The following TMCO4 variants were observed in gnomAD, a reference collection of about 807,000 sequenced individuals.
TMCO4 encodes the protein transmembrane and coiled-coil domains 4.
A neutral mutation model predicts 64.7 loss-of-function variants in TMCO4; 58 were observed. The ratio of observed to expected loss-of-function variants is 0.90; its 90% confidence interval spans 0.73 to 1.12. The LOEUF is 1.12. Ranked by LOEUF, TMCO4 falls within the 50% of genes most tolerant of loss-of-function variation. The probability of loss-of-function intolerance (pLI) is 0.00; values close to 1 mark genes in which losing one functional copy is unlikely to be tolerated. For synonymous variants in TMCO4, 325 were observed against 346.1 expected (o/e 0.94, Z 0.68); for missense variants, 780 against 825.9 (o/e 0.94, Z 0.68).
At chr1:19,789,841 C>A (rs1433773703) in intron 2 of TMCO4, among the ~76,000 whole-genome samples, 2 of 151,794 alleles carry the variant, frequency 1.3e-5, no homozygotes, top group African/African-American at 4.8e-5. Flanking sequence ...TCTCTTGAGC[C>A]CAGGAGTTCG....
Position 19,700,782 on chromosome 1 carries a change from G to A in TMCO4, c.1368C>T (p.Ile456=), listed in dbSNP as rs2095266484. ...TTTGGACAGACCTGCAGTAGCCGTTGATGATCCTCCCGGACACCACCTTCC... is the reference window on the plus strand; with the variant it reads ...TTTGGACAGACCTGCAGTAGCCGTTAATGATCCTCCCGGACACCACCTTCC... The part of the protein sequence containing the change: ...PFRKVVSGRI[I]NGYCRGDWLL... The change falls in exon 14 of 16, where the codon ATC becomes ATT. Residue 456 remains isoleucine (I), a synonymous_variant. Coordinates refer to ENST00000294543, the MANE Select transcript of TMCO4 (RefSeq NM_181719.7). 1 of 1,614,058 alleles carries A rather than the reference G, an allele frequency of 6.2e-7. No individual in the cohort carries two copies.
At chr1:19,762,227 C>T (rs2042536638) in intron 6 of TMCO4, among the ~76,000 whole-genome samples, 1 of 152,116 alleles carries the variant, frequency 6.6e-6, no homozygotes, top group African/African-American at 2.4e-5. Flanking sequence ...GCTGTGAATC[C>T]TATATTTTAT....
At chr1:19,721,820 AAC>A (rs1017506696) in intron 13 of TMCO4, among the ~76,000 whole-genome samples, 4 of 151,212 alleles carry the variant, frequency 2.6e-5, no homozygotes, top group African/African-American at 4.8e-5. Flanking sequence ...AACAAAACAC[AAC>A]ACACACACAC....
chr1:19,726,426 C>T (rs918021776), intron 13 of TMCO4, among the ~76,000 whole-genome samples: 6 of 151,404 alleles, frequency 4.0e-5, no homozygotes, highest in African/African-American at 1.2e-4. Flanking sequence ...GTCGTGCCAC[C>T]GCACTCCAGC....
At chr1:19,697,773 AT>A (rs55842212) in intron 14 of TMCO4, among the ~76,000 whole-genome samples, 73,847 of 125,530 alleles carry the variant, frequency 0.59, 19,995 homozygotes, top group Non-Finnish European at 0.63. Flanking sequence ...TAATTTTTGT[AT>A]TTTTTTTTTT....
chr1:19,752,064 T>TAA (rs2042045645), intron 7 of TMCO4, among the ~76,000 whole-genome samples: 1 of 152,042 alleles, frequency 6.6e-6, no homozygotes, highest in Non-Finnish European at 1.5e-5. Flanking sequence ...AAAAAAAATT[T>TAA]TTTTTTTGTA....
At chr1:19,764,812 G>A (rs963833416) in intron 6 of TMCO4, among the ~76,000 whole-genome samples, 6 of 132,914 alleles carry the variant, frequency 4.5e-5, no homozygotes, top group African/African-American at 1.2e-4. Flanking sequence ...CCAAGATTGC[G>A]CCATTGCACT....
intron 7 of TMCO4, among the ~76,000 whole-genome samples, chr1:19,749,427 G>C (rs899217634): frequency 6.6e-6 from 1 of 152,012 alleles, no homozygotes; most frequent in African/African-American, 2.4e-5. Flanking sequence ...GAGTGCACTG[G>C]TGGGATCTTG....
intron 13 of TMCO4, among the ~76,000 whole-genome samples, chr1:19,716,460 G>A (rs950067700): frequency 6.9e-5 from 10 of 144,602 alleles, no homozygotes; most frequent in African/African-American, 1.8e-4. Context: ...TTGAACTCCC[G>A]ACCTCGTGAT....
chr1:19,784,824 A>T (rs1207792865), intron 3 of TMCO4, among the ~76,000 whole-genome samples: 2 of 140,056 alleles, frequency 1.4e-5, no homozygotes, highest in Admixed American at 1.5e-4. Context: ...ATACACTAAC[A>T]TTAAATGATA....
chr1:19,682,410 G>T lies in TMCO4; in HGVS notation c.*630C>A. On this transcript the variant is annotated 3_prime_UTR_variant, in exon 16 of 16. Coordinates refer to ENST00000294543, the MANE Select transcript of TMCO4 (RefSeq NM_181719.7). The stretch of plus-strand genomic sequence containing the variant: ...GTGGTGTCCAGATGTTGCATGACGG[G>T]GGAGCACACTCACATTGTGTCTGTG... The T allele has an allele frequency of 1.8e-6, 1 of 560,832 alleles. No homozygotes were observed. The allele number at this position is 560,832 out of a possible 1,614,324, so 34.7% of individuals were successfully genotyped here. A position where few individuals can be genotyped will look rare whatever the true frequency, so the allele number is the denominator to read the frequency against.
Position 19,739,850 on chromosome 1 carries a change from C to A in TMCO4, c.1153G>T (p.Ala385Ser), listed in dbSNP as rs754941185. 3 of 1,613,762 alleles carry A rather than the reference C, an allele frequency of 1.9e-6. No homozygotes were observed. Among genetic ancestry groups the A allele is most frequent in the Non-Finnish European group, 2.5e-6 (3 of 1,179,876 alleles). Residue 385 changes from alanine (A) to serine (S), a missense_variant, in exon 12 of 16, where the codon GCC (alanine) becomes TCC (serine). Physicochemically the swap from Ala to Ser is moderately conservative, Grantham distance 99. Transcript: ENST00000294543. ...TGCTGCCGGGAGAGCAGGATGTGGG[C>A]CAGGTGCTTGCCAACCTCTGCTGAT... ...HRSAEVGKHL[A>S]HILLSRQQGR...
chr1:19,716,918 TG>T (rs1257161145), intron 13 of TMCO4, among the ~76,000 whole-genome samples: 1 of 152,160 alleles, frequency 6.6e-6, no homozygotes, highest in Admixed American at 6.5e-5. Flanking sequence ...CCGGGCGCGG[TG>T]GCTCAAGCCT....
intron 13 of TMCO4, among the ~76,000 whole-genome samples, chr1:19,733,108 A>C (rs2095437141): frequency 6.6e-6 from 1 of 152,024 alleles, no homozygotes; most frequent in Non-Finnish European, 1.5e-5. Context: ...TCTACTAAAA[A>C]TACAAAAAAT....
At chr1:19,687,737 A>C (rs1013289727) in intron 15 of TMCO4, among the ~76,000 whole-genome samples, 6 of 152,224 alleles carry the variant, frequency 3.9e-5, no homozygotes, top group African/African-American at 1.4e-4. Flanking sequence ...GGCTGGTGCC[A>C]GTGCTGGGTA....
intron 14 of TMCO4, among the ~76,000 whole-genome samples, chr1:19,699,989 G>A (rs1207926407): frequency 6.6e-6 from 1 of 152,156 alleles, no homozygotes; most frequent in Non-Finnish European, 1.5e-5. Context: ...AGGCCTGTGT[G>A]CTTCCAAATC....
rs147553466 is a variant in TMCO4 at position 19,700,862 on chromosome 1, C to T, written c.1288G>A (p.Val430Ile). Reference protein sequence around the residue: ...EKDCQGIIEDVILLGAPVEGE... With the variant: ...EKDCQGIIEDIILLGAPVEGE... ...TCCACAGGCGCACCCAGCAGGATGA[C>T]GTCCTCGATGATTCCTTGGCAATCT... Residue 430 changes from valine to isoleucine, a missense_variant, in exon 14 of 16, where the codon GTC becomes ATC. Coordinates refer to ENST00000294543, the MANE Select transcript of TMCO4 (RefSeq NM_181719.7). 36 of 1,614,062 alleles carry T rather than the reference C, an allele frequency of 2.2e-5. No individual in the cohort carries two copies. The highest frequency in any genetic ancestry group is 5.0e-5 in the Admixed American group (3 of 60,000).
chr1:19,737,839 C>T (rs1201042945), intron 12 of TMCO4, among the ~76,000 whole-genome samples: 1 of 152,260 alleles, frequency 6.6e-6, no homozygotes, highest in Non-Finnish European at 1.5e-5. Context: ...TGCGGGACCC[C>T]TTCCGGAGCT....
intron 3 of TMCO4, among the ~76,000 whole-genome samples, chr1:19,785,867 T>C (rs937443308): frequency 6.6e-6 from 1 of 152,096 alleles, no homozygotes; most frequent in African/African-American, 2.4e-5. Flanking sequence ...TGTATGTGGA[T>C]GAAAGGTGTC....
Sources: gnomAD v4.1 joint callset for allele counts (sites outside exome capture counted in the v4.1 genomes callset) on GRCh38, gnomAD v4.1.1 for gene constraint, MANE v1.5 for transcripts, NCBI Gene and HGNC (gene_info 2026-07-23, HGNC 2026-07-21) for gene names.